DSCAM: variants seen among roughly 807,000 people sequenced by gnomAD.
DSCAM encodes the protein DS cell adhesion molecule, also known as cell adhesion molecule DSCAM.
DSCAM carries 47 observed loss-of-function variants against 217.7 expected under a neutral mutation model. That is an observed-to-expected ratio of 0.22 (90% confidence interval 0.17 to 0.28). DSCAM has a LOEUF of 0.28. Among genes scored for constraint, DSCAM ranks in the 10% least tolerant of loss-of-function variants. The pLI, the probability that DSCAM is intolerant of heterozygous loss-of-function variation, is 1.00. For missense variants in DSCAM, 2,080 were observed against 2,618.3 expected, an observed-to-expected ratio of 0.79 and a Z score of 4.49; for synonymous variants, 1,056 against 1,015.3, an observed-to-expected ratio of 1.04 and a Z score of -0.76.
chr21:40,732,836 G>A (rs2091026051), intron 1 of DSCAM, among the ~76,000 whole-genome samples: 1 of 152,164 alleles, frequency 6.6e-6, no homozygotes, highest in Non-Finnish European at 1.5e-5. Flanking sequence ...TCCTGGGCTT[G>A]GAGCCAGCAC....
chr21:40,404,113 T>G (rs1433138864), intron 3 of DSCAM, among the ~76,000 whole-genome samples: 3 of 152,302 alleles, frequency 2.0e-5, no homozygotes, highest in East Asian at 3.9e-4. Flanking sequence ...TTCAGACCTA[T>G]AGCTTACACT....
chr21:40,580,660 G>A (rs904669887), intron 3 of DSCAM, among the ~76,000 whole-genome samples: 1 of 152,158 alleles, frequency 6.6e-6, no homozygotes, highest in Non-Finnish European at 1.5e-5. Flanking sequence ...CACACCAGTA[G>A]AAGAAATAAA....
intron 1 of DSCAM, among the ~76,000 whole-genome samples, chr21:40,737,590 G>A (rs529885557): frequency 3.3e-5 from 5 of 152,280 alleles, no homozygotes; most frequent in Middle Eastern, 6.8e-3. Context: ...GCAGTGAGCC[G>A]AGATTGCACC....
chr21:40,531,390 T>A (rs966463771), intron 3 of DSCAM, among the ~76,000 whole-genome samples: 1 of 152,248 alleles, frequency 6.6e-6, no homozygotes, highest in Non-Finnish European at 1.5e-5. Flanking sequence ...TATAGCCACA[T>A]GCCCAAGCTC....
chr21:40,701,532 T>A (rs558355354), intron 2 of DSCAM, among the ~76,000 whole-genome samples: 53 of 152,262 alleles, frequency 3.5e-4, no homozygotes, highest in South Asian at 1.0e-3. Context: ...AAGACTTTTT[T>A]AAAAATTTCT....
At chr21:40,844,956 C>G (rs780380233) in intron 1 of DSCAM, among the ~76,000 whole-genome samples, 1 of 152,208 alleles carries the variant, frequency 6.6e-6, no homozygotes, top group Non-Finnish European at 1.5e-5. Flanking sequence ...TACTCCCTGA[C>G]AGGCGAAACA....
At chr21:40,504,606 C>T (rs1005762156) in intron 3 of DSCAM, among the ~76,000 whole-genome samples, 3 of 152,136 alleles carry the variant, frequency 2.0e-5, no homozygotes, top group South Asian at 2.1e-4. Context: ...ATAGGCGATG[C>T]GAAAGGCTCA....
intron 1 of DSCAM, among the ~76,000 whole-genome samples, chr21:40,786,520 G>A (rs1022384995): frequency 2.6e-5 from 4 of 152,030 alleles, no homozygotes; most frequent in African/African-American, 9.7e-5. Context: ...TCAGTTTAAC[G>A]AGACACCCAG....
chr21:40,356,868 G>C (rs547801051), intron 4 of DSCAM, among the ~76,000 whole-genome samples: 1 of 152,316 alleles, frequency 6.6e-6, no homozygotes, highest in African/African-American at 2.4e-5. Context: ...GCCACTGAGG[G>C]CAGTCAGCAG....
At position 40,503,041 on chromosome 21, in the gene DSCAM, T is replaced by C. The variant is rs1216513639; in HGVS notation, c.509-133796A>G. Among the ~76,000 whole-genome samples, 4 of 152,190 alleles carry C rather than the reference T, an allele frequency of 2.6e-5. No homozygotes were observed. The South Asian group carries it at 6.2e-4, about 24-fold the overall frequency. On this transcript the variant is annotated intron_variant, in intron 3 of 32. Coordinates refer to ENST00000400454, the MANE Select transcript of DSCAM (RefSeq NM_001389.5). ...ACAGTGATGCTGACAATTAGAACCA[T>C]AGCATTCCTTTAAGGAAATATCTGC... is the stretch of plus-strand genomic sequence containing the variant.
chr21:40,174,443 A>G (rs1398027558), intron 15 of DSCAM, among the ~76,000 whole-genome samples: 2 of 152,146 alleles, frequency 1.3e-5, no homozygotes, highest in Non-Finnish European at 2.9e-5. Flanking sequence ...TCAAATTCCC[A>G]TGGTGGCCAG....
chr21:40,087,035 A>C (rs562267342), intron 22 of DSCAM, 135 bp downstream of exon 22: 1 of 680,810 alleles, frequency 1.5e-6, no homozygotes, highest in Non-Finnish European at 2.6e-6. Context: ...CTCATCTCAG[A>C]AGAATTGGTA....
chr21:40,826,035 A>G (rs1348697200), intron 1 of DSCAM, among the ~76,000 whole-genome samples: 1 of 152,226 alleles, frequency 6.6e-6, no homozygotes, highest in Non-Finnish European at 1.5e-5. Context: ...TGAGCACAGT[A>G]GACAAATGTG....
intron 11 of DSCAM, among the ~76,000 whole-genome samples, chr21:40,224,784 T>C (rs1254667257): frequency 6.6e-6 from 1 of 152,200 alleles, no homozygotes; most frequent in Non-Finnish European, 1.5e-5. Flanking sequence ...ATGACAGCTA[T>C]TGGGACAACC....
intron 3 of DSCAM, among the ~76,000 whole-genome samples, chr21:40,411,617 T>A (rs1172665676): frequency 6.6e-6 from 1 of 152,080 alleles, no homozygotes; most frequent in Non-Finnish European, 1.5e-5. Context: ...TAAACACTAC[T>A]CAACATAAGT....
intron 18 of DSCAM, among the ~76,000 whole-genome samples, chr21:40,136,691 T>A (rs987000764): frequency 6.6e-6 from 1 of 151,994 alleles, no homozygotes; most frequent in South Asian, 2.1e-4. Context: ...CTGATGAAGG[T>A]CTTTTTTTCC....
intron 3 of DSCAM, among the ~76,000 whole-genome samples, chr21:40,635,103 G>C (rs2146325672): frequency 6.6e-6 from 1 of 152,254 alleles, no homozygotes; most frequent in South Asian, 2.1e-4. Flanking sequence ...CGGCATCTGG[G>C]AACAGCCTGT....
At chr21:40,286,992 GTGATCTGCAGTA>G (rs1330263964) in intron 10 of DSCAM, among the ~76,000 whole-genome samples, 4 of 124,312 alleles carry the variant, frequency 3.2e-5, no homozygotes, top group Admixed American at 1.6e-4. Context: ...GATCCACAGT[GTGATCTGCAGTA>G]TGATCTGCAG....
intron 30 of DSCAM, among the ~76,000 whole-genome samples, chr21:40,047,920 A>G (rs2088868289): frequency 6.6e-6 from 1 of 152,162 alleles, no homozygotes; most frequent in East Asian, 1.9e-4. Flanking sequence ...CCATGTTGTA[A>G]GCTCTTGTCA....
Sources: gnomAD v4.1 joint callset for allele counts (sites outside exome capture counted in the v4.1 genomes callset) on GRCh38, gnomAD v4.1.1 for gene constraint, MANE v1.5 for transcripts, NCBI Gene and HGNC (gene_info 2026-07-23, HGNC 2026-07-21) for gene names.